Variants in CHST6 observed in about 807,000 individuals in gnomAD.
CHST6 encodes the protein N-acetylglucosamine 6-O-sulfotransferase 5.
For synonymous variants in CHST6, 309 were observed against 276.4 expected, an observed-to-expected ratio of 1.12 and a Z score of -1.17; for missense variants, 698 against 586.2, an observed-to-expected ratio of 1.19 and a Z score of -1.97.
At chr16:75,486,396 G>C (rs2080198844) in intron 1 of CHST6, among the ~76,000 whole-genome samples, 1 of 152,124 alleles carries the variant, frequency 6.6e-6, no homozygotes, top group Admixed American at 6.5e-5. Context: ...CTTTTCCCTG[G>C]GGAATCACCC....
At position 75,491,097 on chromosome 16, in the gene CHST6, A is replaced by G. The variant is rs1225251214; in HGVS notation, c.-92+3843T>C. On this transcript the variant is annotated intron_variant, in intron 1 of 2. Transcript: ENST00000332272. ...GTGGATCACCTGAGGTCAGGAAGGCAGAGTTTGCAGTGAGCTGAAATCAAG... is the reference window on the plus strand; with the variant it reads ...GTGGATCACCTGAGGTCAGGAAGGCGGAGTTTGCAGTGAGCTGAAATCAAG... Among the ~76,000 whole-genome samples, 16 of 143,884 alleles carry G rather than the reference A, an allele frequency of 1.1e-4. No homozygotes were observed. In the Admixed American group the frequency reaches 1.1e-3, roughly 10 times the overall value. 94.4% of individuals were successfully genotyped at this position (143,884 alleles called of 152,430 possible).
Position 75,479,348 on chromosome 16 carries a change from C to A in CHST6, c.481G>T (p.Ala161Ser), listed in dbSNP as rs1482996862. The A allele has an allele frequency of 1.2e-6, 2 of 1,612,642 alleles. No individual in the cohort carries two copies. The highest frequency in any genetic ancestry group is 2.7e-5 in the African/African-American group (2 of 74,922). The change falls in exon 3 of 3, where the codon GCC becomes TCC. Residue 161 changes from alanine to serine, a missense_variant. Coordinates refer to ENST00000332272, the MANE Select transcript of CHST6 (RefSeq NM_021615.5). Reference protein sequence around the residue: ...PLCARQSFTLAREACRSYSHV... With the variant: ...PLCARQSFTLSREACRSYSHV... ...CTGTAGGAGCGGCAGGCCTCCCGGG[C>A]CAGGGTGAAGGACTGCCGCGCGCAC...
chr16:75,489,122 G>A (rs2080231572), intron 1 of CHST6, among the ~76,000 whole-genome samples: 1 of 151,778 alleles, frequency 6.6e-6, no homozygotes, highest in Non-Finnish European at 1.5e-5. Context: ...AGGGAGGCAG[G>A]GCATGGTGAC....
rs1335534674 is a variant in CHST6 at position 75,475,243 on chromosome 16, C to A, written c.*3398G>T. 2 of 152,268 alleles carry A rather than the reference C, an allele frequency of 1.3e-5. No individual in the cohort carries two copies. The highest frequency in any genetic ancestry group is 4.8e-5 in the African/African-American group (2 of 41,462). 9.4% of individuals were successfully genotyped at this position (152,268 alleles called of 1,614,324 possible). ...TCACAGCAGAGCCCCAGCTGAAAAC[C>A]TAAGACAGGTGGAGGTAAAGTTTTG... On this transcript the variant is annotated 3_prime_UTR_variant, in exon 3 of 3. Transcript: ENST00000332272.
rs1001813653 is a variant in CHST6 at position 75,472,106 on chromosome 16, A to G, written c.*6535T>C. On this transcript the variant is annotated 3_prime_UTR_variant, in exon 3 of 3. Transcript: ENST00000332272. Reference sequence around the variant, plus strand: ...CAGGACAAAGTCGTTTCAACAAGACATAAAATCCACTGGCCATAAGGAAAG... The same window carrying G: ...CAGGACAAAGTCGTTTCAACAAGACGTAAAATCCACTGGCCATAAGGAAAG... 3 of 152,252 alleles carry G rather than the reference A, an allele frequency of 2.0e-5. No homozygotes were observed. The highest frequency in any genetic ancestry group is 4.4e-5 in the Non-Finnish European group (3 of 68,038). 9.4% of individuals were successfully genotyped at this position (152,252 alleles called of 1,614,324 possible). A position where few individuals can be genotyped will look rare whatever the true frequency, so the allele number is the denominator to read the frequency against.
At position 75,474,042 on chromosome 16, in the gene CHST6, G is replaced by C. The variant is rs1251080363; in HGVS notation, c.*4599C>G. On this transcript the variant is annotated 3_prime_UTR_variant, in exon 3 of 3. Coordinates refer to ENST00000332272, the MANE Select transcript of CHST6 (RefSeq NM_021615.5). ...CAAAAAAAATTAGCCGGGCGTGGTG[G>C]TGTACATCTGTAATCCCAGCTACTC... The C allele has an allele frequency of 6.6e-6, 1 of 152,120 alleles. No homozygotes were observed. The highest frequency in any genetic ancestry group is 1.5e-5 in the Non-Finnish European group (1 of 68,044). The allele number at this position is 152,120 out of a possible 1,614,324, so 9.4% of individuals were successfully genotyped here. A position where few individuals can be genotyped will look rare whatever the true frequency, so the allele number is the denominator to read the frequency against.
chr16:75,488,963 G>T (rs978540996), intron 1 of CHST6, among the ~76,000 whole-genome samples: 1 of 151,926 alleles, frequency 6.6e-6, no homozygotes, highest in African/African-American at 2.4e-5. Flanking sequence ...CAGGAACAAG[G>T]AACCCCTGCA....
chr16:75,479,896 G>A (rs2080121009), intron 2 of CHST6, 52 bp from the exon 3 acceptor site: 4 of 1,466,126 alleles, frequency 2.7e-6, no homozygotes, highest in Admixed American at 4.0e-5. Context: ...CGCCCATCCC[G>A]TACCCCACTG....
At chr16:75,481,169 G>C (rs962451185) in intron 2 of CHST6, among the ~76,000 whole-genome samples, 1 of 151,548 alleles carries the variant, frequency 6.6e-6, no homozygotes, top group Non-Finnish European at 1.5e-5. Context: ...CCTGCTATTC[G>C]GGAGGCTGAG....
Position 75,474,825 on chromosome 16 carries a change from T to C in CHST6, c.*3816A>G. On this transcript the variant is annotated 3_prime_UTR_variant, in exon 3 of 3. Coordinates refer to ENST00000332272, the MANE Select transcript of CHST6 (RefSeq NM_021615.5). ...TGGTGGTTTTTTTTAAGACAGACTC[T>C]CGCTTTGTTGCCCAGGCTGGAGTAC... is the stretch of plus-strand genomic sequence containing the variant. The C allele has an allele frequency of 5.1e-6, 2 of 395,626 alleles. No individual in the cohort carries two copies. Among genetic ancestry groups the C allele is most frequent in the Non-Finnish European group, 8.9e-6 (2 of 224,550 alleles). The allele number at this position is 395,626 out of a possible 1,614,324, so 24.5% of individuals were successfully genotyped here.
At position 75,479,539 on chromosome 16, in the gene CHST6, C is replaced by A. The variant is rs72547546; in HGVS notation, c.290G>T (p.Arg97Leu). Residue 97 changes from arginine to leucine, a missense_variant, in exon 3 of 3, where the codon CGC becomes CTC. Transcript: ENST00000332272. ...TLHMAVRDLV[R>L]SVFLCDMDVF... Reference sequence around the variant, plus strand: ...GTCCATGTCGCACAGGAAGACGGAGCGCACCAGGTCGCGCACAGCCATGTG... The same window carrying A: ...GTCCATGTCGCACAGGAAGACGGAGAGCACCAGGTCGCGCACAGCCATGTG... The A allele has an allele frequency of 6.2e-7, 1 of 1,612,846 alleles. No individual in the cohort carries two copies. Among genetic ancestry groups the A allele is most frequent in the Admixed American group, 1.7e-5 (1 of 60,004 alleles).
At chr16:75,486,223 C>T (rs529454519) in intron 1 of CHST6, among the ~76,000 whole-genome samples, 2 of 152,356 alleles carry the variant, frequency 1.3e-5, no homozygotes, top group African/African-American at 4.8e-5. Flanking sequence ...CTTTGCTTTC[C>T]CTTCTTGCCT....
At chr16:75,493,230 G>A (rs1449623008) in intron 1 of CHST6, among the ~76,000 whole-genome samples, 2 of 152,078 alleles carry the variant, frequency 1.3e-5, no homozygotes, top group African/African-American at 4.8e-5. Context: ...AATCTGGAAG[G>A]TCAGGTGCGG....
chr16:75,485,652 G>A (rs1325275014), intron 1 of CHST6, among the ~76,000 whole-genome samples: 2 of 152,182 alleles, frequency 1.3e-5, no homozygotes, highest in Non-Finnish European at 1.5e-5. Flanking sequence ...GATGTGAAAA[G>A]TAGAACAAAA....
rs1009960124 is a variant in CHST6 at position 75,476,705 on chromosome 16, C to T, written c.*1936G>A. 1 of 151,612 alleles carries T rather than the reference C, an allele frequency of 6.6e-6. No homozygotes were observed. Among genetic ancestry groups the T allele is most frequent in the Admixed American group, 6.6e-5 (1 of 15,176 alleles). 9.4% of individuals were successfully genotyped at this position (151,612 alleles called of 1,614,324 possible). A position where few individuals can be genotyped will look rare whatever the true frequency, so the allele number is the denominator to read the frequency against. ...GTGGCTTGATCTTGGACTTCCCAGT[C>T]TCCAGACTTGTGAGAAGAACATTTG... is the stretch of plus-strand genomic sequence containing the variant. On this transcript the variant is annotated 3_prime_UTR_variant, in exon 3 of 3. Transcript: ENST00000332272.
chr16:75,486,263 T>G lies in CHST6; in HGVS notation c.-91-4372A>C, dbSNP rs548959045. ...GCAACCCGGAACTTTGGATTGTGGT[T>G]TTTCGCAAGCGAACACCTGTTCTCC... On this transcript the variant is annotated intron_variant, in intron 1 of 2. Transcript: ENST00000332272. Among the ~76,000 whole-genome samples the G allele has an allele frequency of 9.8e-5, 15 of 152,344 alleles. No homozygotes were observed. The East Asian group carries it at 2.7e-3, about 27-fold the overall frequency.
At chr16:75,488,056 C>T (rs1485212420) in intron 1 of CHST6, among the ~76,000 whole-genome samples, 1 of 152,086 alleles carries the variant, frequency 6.6e-6, no homozygotes. Flanking sequence ...TTCTTGTTAC[C>T]AGCCTGTTCC....
chr16:75,478,701 C>T lies in CHST6; in HGVS notation c.1128G>A (p.Leu376=). Residue 376 remains leucine (L), a synonymous_variant, in exon 3 of 3, where the codon CTG becomes CTA. Coordinates refer to ENST00000332272, the MANE Select transcript of CHST6 (RefSeq NM_021615.5). The stretch of plus-strand genomic sequence containing the variant: ...AAGTGAAGCCGTTCAGGCCTCGTGG[C>T]AGCACCAGATCAAGGGCGAGGTTGC... The part of the protein sequence containing the change: ...EQRNLALDLV[L]PRGLNGFTWA... The T allele has an allele frequency of 6.2e-7, 1 of 1,613,710 alleles. No individual in the cohort carries two copies. Among genetic ancestry groups the T allele is most frequent in the Non-Finnish European group, 8.5e-7 (1 of 1,180,028 alleles).
chr16:75,486,059 A>G (rs79017098), intron 1 of CHST6, among the ~76,000 whole-genome samples: 2,622 of 152,286 alleles, frequency 0.017, 77 homozygotes, highest in African/African-American at 0.06. Context: ...GGCCGGGAAT[A>G]ATCAGTGTTC....
Sources: allele counts gnomAD v4.1 joint callset (sites outside exome capture counted in the v4.1 genomes callset), GRCh38; gene constraint gnomAD v4.1.1; transcripts MANE v1.5; gene names NCBI Gene and HGNC (gene_info 2026-07-23, HGNC 2026-07-21).